Variants in PHF2 observed in about 807,000 individuals in gnomAD.
PHF2 encodes lysine-specific demethylase PHF2.
PHF2 carries 27 observed loss-of-function variants against 120.5 expected under a neutral mutation model. The observed-to-expected ratio is 0.22, with a 90% CI of 0.17 to 0.31. The LOEUF (loss-of-function observed/expected upper bound fraction) is 0.31. Ranked by LOEUF, PHF2 falls within the 10% of genes least tolerant of loss-of-function variation. PHF2 has a pLI of 1.00. For missense variants in PHF2, 1,024 were observed against 1,434.8 expected (o/e 0.71, Z 4.63); for synonymous variants, 568 against 592.5 (o/e 0.96, Z 0.60).
intron 6 of PHF2, among the ~76,000 whole-genome samples, chr9:93,653,924 C>T (rs886942649): frequency 6.6e-6 from 1 of 152,154 alleles, no homozygotes; most frequent in Non-Finnish European, 1.5e-5. Flanking sequence ...CTGATCCCAC[C>T]TCTGGGAGGC....
intron 17 of PHF2, 149 bp from the exon 18 acceptor site, chr9:93,673,436 C>T: frequency 1.8e-6 from 1 of 554,910 alleles, no homozygotes; most frequent in South Asian, 4.6e-5. Flanking sequence ...GTCATCAGCT[C>T]ACTGCCACCC....
rs1404112101 is a variant in PHF2, at chr9:93,615,046, A to T, written c.99-14924A>T. 1.3e-4 allele frequency among the ~76,000 whole-genome samples: 19 copies of T among 151,494 alleles called. 1 individual carries two copies. The East Asian group carries it at 3.3e-3, about 26-fold the overall frequency. ...GATGGTGATGATGGTGATAGTGATG[A>T]TGATGGCGATGATGGTGACAGTGAT... On this transcript the variant is annotated intron_variant, in intron 1 of 21. Coordinates refer to ENST00000359246, the MANE Select transcript of PHF2 (RefSeq NM_005392.4).
chr9:93,669,392 G>A (rs10992843), intron 17 of PHF2, among the ~76,000 whole-genome samples: 19,182 of 152,322 alleles, frequency 0.13, 1,364 homozygotes, highest in Non-Finnish European at 0.17. Context: ...GCTCACTTAG[G>A]CAGGCCTTCA....
At chr9:93,591,921 G>C (rs1000374568) in intron 1 of PHF2, among the ~76,000 whole-genome samples, 3 of 152,240 alleles carry the variant, frequency 2.0e-5, no homozygotes, top group African/African-American at 7.2e-5. Context: ...GAGGCCTTGA[G>C]GCTCTGGGCT....
chr9:93,602,923 C>A (rs949022403), intron 1 of PHF2, among the ~76,000 whole-genome samples: 1 of 152,054 alleles, frequency 6.6e-6, no homozygotes, highest in Non-Finnish European at 1.5e-5. Flanking sequence ...TCCCAGAGCC[C>A]GAGGCTGGGA....
intron 2 of PHF2, 28 bp downstream of exon 2, chr9:93,630,083 T>A (rs1430813492): frequency 6.2e-7 from 1 of 1,606,100 alleles, no homozygotes; most frequent in Non-Finnish European, 8.5e-7. Flanking sequence ...AGCGGCCATC[T>A]CTTGCGGAAG....
chr9:93,658,342 G>T, intron 10 of PHF2, 106 bp downstream of exon 10: 1 of 890,496 alleles, frequency 1.1e-6, no homozygotes, highest in Non-Finnish European at 1.8e-6. Flanking sequence ...GCTTCAGTGA[G>T]ATCCAGCCTG....
intron 1 of PHF2, among the ~76,000 whole-genome samples, chr9:93,623,890 G>A (rs1446395631): frequency 6.6e-6 from 1 of 152,184 alleles, no homozygotes; most frequent in South Asian, 2.1e-4. Flanking sequence ...CTCGTCTAGG[G>A]CCCAAGACCC....
At chr9:93,674,851 A>G in intron 18 of PHF2, 76 bp from the exon 19 acceptor site, 1 of 1,036,576 alleles carries the variant, frequency 9.6e-7, no homozygotes, top group Non-Finnish European at 1.5e-6. Context: ...GTCTGCAGCC[A>G]CCTGTACCCC....
At chr9:93,635,497 G>A (rs1022889248) in intron 2 of PHF2, among the ~76,000 whole-genome samples, 10 of 152,236 alleles carry the variant, frequency 6.6e-5, no homozygotes, top group Non-Finnish European at 1.3e-4. Flanking sequence ...CCCGAGGAGG[G>A]CATCTCCAGG....
intron 7 of PHF2, among the ~76,000 whole-genome samples, chr9:93,655,547 GA>G (rs898053673): frequency 2.6e-5 from 4 of 152,230 alleles, no homozygotes; most frequent in Non-Finnish European, 5.9e-5. Context: ...CAGGTAGCTG[GA>G]CACAGACTGG....
At chr9:93,632,300 C>A (rs939836569) in intron 2 of PHF2, among the ~76,000 whole-genome samples, 2 of 151,308 alleles carry the variant, frequency 1.3e-5, no homozygotes, top group African/African-American at 4.9e-5. Flanking sequence ...GATGGTGGGA[C>A]CCCCAGCCCC....
chr9:93,666,995 G>T, intron 16 of PHF2, 85 bp from the exon 17 acceptor site: 1 of 1,101,426 alleles, frequency 9.1e-7, no homozygotes, highest in South Asian at 2.0e-5. Context: ...AGTCCCTGAA[G>T]GGAAAAAGTA....
intron 1 of PHF2, among the ~76,000 whole-genome samples, chr9:93,611,232 A>G (rs1469387033): frequency 2.0e-5 from 3 of 152,130 alleles, no homozygotes; most frequent in Non-Finnish European, 4.4e-5. Flanking sequence ...CCTGACCGAC[A>G]TGGTGAAACC....
chr9:93,580,198 A>G (rs1307848534), intron 1 of PHF2, among the ~76,000 whole-genome samples: 1 of 152,208 alleles, frequency 6.6e-6, no homozygotes, highest in Non-Finnish European at 1.5e-5. Flanking sequence ...GATCCTCGCC[A>G]GCCCAGCCCT....
chr9:93,643,865 A>G (rs1250823960), intron 3 of PHF2, among the ~76,000 whole-genome samples: 2 of 151,738 alleles, frequency 1.3e-5, no homozygotes, highest in Non-Finnish European at 2.9e-5. Context: ...ACCACTCACA[A>G]CAGTCTCCTG....
chr9:93,603,644 T>C (rs1825486440), intron 1 of PHF2, among the ~76,000 whole-genome samples: 1 of 152,186 alleles, frequency 6.6e-6, no homozygotes. Flanking sequence ...AAGGGGGATC[T>C]GACCTCAATC....
chr9:93,655,983 A>T lies in PHF2; in HGVS notation c.1002A>T (p.Gly334=). 1 of 1,612,966 alleles carries T rather than the reference A, an allele frequency of 6.2e-7. No individual in the cohort carries two copies. Among genetic ancestry groups the T allele is most frequent in the Non-Finnish European group, 8.5e-7 (1 of 1,179,796 alleles). Residue 334 remains glycine (G), a synonymous_variant, in exon 8 of 22, where the codon GGA becomes GGT. Coordinates refer to ENST00000359246, the MANE Select transcript of PHF2 (RefSeq NM_005392.4). ...CTGTGGACTGCCTGGCCTTCGCGGG[A>T]CATTTCCTCCACAGCCTGAGTGTGG... ...LTPVDCLAFA[G]HFLHSLSVEM...
At chr9:93,643,150 A>G (rs1237685118) in intron 3 of PHF2, among the ~76,000 whole-genome samples, 1 of 152,078 alleles carries the variant, frequency 6.6e-6, no homozygotes, top group African/African-American at 2.4e-5. Flanking sequence ...GAGGGGTCAC[A>G]TTCCATTGGG....
Sources: gnomAD v4.1 joint callset for allele counts (sites outside exome capture counted in the v4.1 genomes callset) on GRCh38, gnomAD v4.1.1 for gene constraint, MANE v1.5 for transcripts, NCBI Gene and HGNC (gene_info 2026-07-23, HGNC 2026-07-21) for gene names.